The following UBE2E1 variants were observed in gnomAD, a reference collection of about 807,000 sequenced individuals.
UBE2E1 encodes the protein ubiquitin-conjugating enzyme E2 E1.
In UBE2E1, 6 loss-of-function variants were observed where a neutral mutation model predicts 21.4. The ratio of observed to expected loss-of-function variants is 0.28; its 90% confidence interval spans 0.15 to 0.55. The LOEUF (loss-of-function observed/expected upper bound fraction) is 0.55. Among genes scored for constraint, UBE2E1 ranks in the 20% least tolerant of loss-of-function variants. UBE2E1 has a pLI of 0.93. For synonymous variants in UBE2E1, 87 were observed against 82.7 expected, an observed-to-expected ratio of 1.05 and a Z score of -0.28; for missense variants, 142 against 236.5, an observed-to-expected ratio of 0.60 and a Z score of 2.62.
Position 23,890,718 on chromosome 3 carries a change from C to G in UBE2E1, c.*112C>G. 1.1e-6 allele frequency: 1 copy of G among 908,186 alleles called. No homozygotes were observed. The allele number at this position is 908,186 out of a possible 1,614,324, so 56.3% of individuals were successfully genotyped here. On this transcript the variant is annotated 3_prime_UTR_variant, in exon 6 of 6. Transcript: ENST00000306627. ...GGTAAAGAGTAGGGTATTTCTATAA[C>G]AGATATTATTCAGTCTTATTTCCTA... is the stretch of plus-strand genomic sequence containing the variant.
At chr3:23,868,649 T>G (rs1384711397) in intron 3 of UBE2E1, among the ~76,000 whole-genome samples, 1 of 152,058 alleles carries the variant, frequency 6.6e-6, no homozygotes, top group African/African-American at 2.4e-5. Flanking sequence ...CATTAATAGG[T>G]AGATTAGATT....
chr3:23,847,655 C>T (rs545581261), intron 3 of UBE2E1, among the ~76,000 whole-genome samples: 6 of 151,934 alleles, frequency 3.9e-5, no homozygotes, highest in South Asian at 2.1e-4. Flanking sequence ...CCACCACACT[C>T]GGCTAATTTT....
intron 3 of UBE2E1, among the ~76,000 whole-genome samples, chr3:23,835,223 A>C (rs1310760413): frequency 6.6e-6 from 1 of 152,140 alleles, no homozygotes; most frequent in African/African-American, 2.4e-5. Flanking sequence ...TAATCTCAGC[A>C]CTTTGGGAGG....
chr3:23,856,167 C>T (rs1483887190), intron 3 of UBE2E1, among the ~76,000 whole-genome samples: 2 of 152,132 alleles, frequency 1.3e-5, no homozygotes, highest in African/African-American at 2.4e-5. Context: ...ACTGGGATTA[C>T]AGGCAGGTAC....
rs1700757753 is a variant in UBE2E1, at chr3:23,870,337, A to AAT, written c.204-17227_204-17226dup. ...TCACACTTATATCACTTTAGACTTA[A>AAT]ATATCACCAGCCCATATTCAGAGGG... On this transcript the variant is annotated intron_variant, in intron 3 of 5. Transcript: ENST00000306627. The surrounding 1 kb of genome is among the most constrained non-coding windows in gnomAD (Gnocchi z 4.2). Among the ~76,000 whole-genome samples the AAT allele has an allele frequency of 6.6e-6, 1 of 152,198 alleles. No individual in the cohort carries two copies. The highest frequency in any genetic ancestry group is 6.5e-5 in the Admixed American group (1 of 15,270).
At chr3:23,883,266 A>C (rs1701097181) in intron 3 of UBE2E1, among the ~76,000 whole-genome samples, 1 of 152,142 alleles carries the variant, frequency 6.6e-6, no homozygotes, top group South Asian at 2.1e-4. Context: ...TCTGGAGGAG[A>C]CAGGAGATTA....
At chr3:23,855,666 A>G (rs1265558120) in intron 3 of UBE2E1, among the ~76,000 whole-genome samples, 2 of 151,914 alleles carry the variant, frequency 1.3e-5, no homozygotes, top group East Asian at 3.9e-4. Flanking sequence ...CGTCTCTACT[A>G]AAAATACAAA....
chr3:23,873,321 A>C (rs1482576797), intron 3 of UBE2E1, among the ~76,000 whole-genome samples: 1 of 152,180 alleles, frequency 6.6e-6, no homozygotes, highest in Admixed American at 6.5e-5. Context: ...CTTCAGCTGA[A>C]GGCATCTTTA....
rs1244728431 is a variant in UBE2E1 at position 23,806,400 on chromosome 3, G to A, written c.-34+312G>A. 6.6e-6 allele frequency among the ~76,000 whole-genome samples: 1 copy of A among 151,818 alleles called. No individual in the cohort carries two copies. The highest frequency in any genetic ancestry group is 2.4e-5 in the African/African-American group (1 of 41,406). ...GGCCACCGAGGGGCCCGGGAGCGGG[G>A]GTGGGAGGGAGTTGGGGGAGCCCCG... On this transcript the variant is annotated intron_variant, in intron 1 of 5. Coordinates refer to ENST00000306627, the MANE Select transcript of UBE2E1 (RefSeq NM_003341.5). This position sits in a 1 kb window ranked among gnomAD's most constrained non-coding sequence, Gnocchi z 6.5.
intron 3 of UBE2E1, among the ~76,000 whole-genome samples, chr3:23,828,017 C>G (rs982064735): frequency 1.3e-5 from 2 of 152,148 alleles, no homozygotes; most frequent in African/African-American, 4.8e-5. Context: ...ATGATTCACT[C>G]CACACAGCTC....
chr3:23,814,962 G>A (rs1320788876), intron 3 of UBE2E1, among the ~76,000 whole-genome samples: 3 of 152,038 alleles, frequency 2.0e-5, no homozygotes, highest in Non-Finnish European at 4.4e-5. Flanking sequence ...TTCAAGCATG[G>A]GTGAGAATAA....
chr3:23,830,618 A>G (rs1000919749), intron 3 of UBE2E1, among the ~76,000 whole-genome samples: 1 of 152,170 alleles, frequency 6.6e-6, no homozygotes. Flanking sequence ...GGAGCTGTGG[A>G]GAATCCAGCC....
chr3:23,889,601 A>C lies in UBE2E1; in HGVS notation c.484+342A>C, dbSNP rs61163373. 1,857 of 985,298 alleles carry C rather than the reference A, an allele frequency of 1.9e-3. 34 individuals are homozygous for C. In the African/African-American group the frequency reaches 0.031, roughly 16 times the overall value. The allele number at this position is 985,298 out of a possible 1,614,324, so 61.0% of individuals were successfully genotyped here. On this transcript the variant is annotated intron_variant, in intron 5 of 5. Coordinates refer to ENST00000306627, the MANE Select transcript of UBE2E1 (RefSeq NM_003341.5). ...ATCAGACACTTCTAAATGTCGAGTC[A>C]TCTGCCTGGCAAGCCTCACCTGTGC... is the stretch of plus-strand genomic sequence containing the variant.
At chr3:23,861,634 C>T (rs1370741325) in intron 3 of UBE2E1, among the ~76,000 whole-genome samples, 1 of 152,204 alleles carries the variant, frequency 6.6e-6, no homozygotes, top group Non-Finnish European at 1.5e-5. Flanking sequence ...GAGAGAAACA[C>T]ATTGGCGAAG....
At chr3:23,825,448 A>C (rs1248436222) in intron 3 of UBE2E1, among the ~76,000 whole-genome samples, 2 of 152,242 alleles carry the variant, frequency 1.3e-5, no homozygotes, top group African/African-American at 4.8e-5. Context: ...CTGAAGATAC[A>C]GCAGCAAAAA....
intron 3 of UBE2E1, among the ~76,000 whole-genome samples, chr3:23,824,107 G>A (rs1414024921): frequency 6.6e-6 from 1 of 152,194 alleles, no homozygotes; most frequent in East Asian, 1.9e-4. Flanking sequence ...CTTTGTAGAT[G>A]CGGGGATTTC....
chr3:23,881,706 C>T (rs568383100), intron 3 of UBE2E1, among the ~76,000 whole-genome samples: 2 of 152,250 alleles, frequency 1.3e-5, no homozygotes, highest in South Asian at 2.1e-4. Flanking sequence ...CCATTGTGTC[C>T]GGAATTGGTG....
rs375835639 is a variant in UBE2E1, at chr3:23,876,580, A to AT, written c.204-10978dup. On this transcript the variant is annotated intron_variant, in intron 3 of 5. Coordinates refer to ENST00000306627, the MANE Select transcript of UBE2E1 (RefSeq NM_003341.5). The surrounding 1 kb of genome is among the most constrained non-coding windows in gnomAD (Gnocchi z 4.3). ...TCATAGGGAATGTAGATGTAATTGG[A>AT]TTTTTTTTTCATATAAGCATTTTGT... Among the ~76,000 whole-genome samples, 65 of 150,406 alleles carry AT rather than the reference A, an allele frequency of 4.3e-4. No individual in the cohort carries two copies. Among genetic ancestry groups the AT allele is most frequent in the Non-Finnish European group, 8.1e-4 (55 of 67,534 alleles).
intron 3 of UBE2E1, among the ~76,000 whole-genome samples, chr3:23,833,039 G>A (rs1250244456): frequency 6.6e-6 from 1 of 152,014 alleles, no homozygotes; most frequent in African/African-American, 2.4e-5. Context: ...GTCTCAAAAA[G>A]TGGGAGAAAA....
Sources: allele counts gnomAD v4.1 joint callset (sites outside exome capture counted in the v4.1 genomes callset), GRCh38; gene constraint gnomAD v4.1.1; non-coding constraint Gnocchi (gnomAD v3.1); transcripts MANE v1.5; gene names NCBI Gene and HGNC (gene_info 2026-07-23, HGNC 2026-07-21).